The following ARK2N variants were observed in gnomAD, a reference collection of about 807,000 sequenced individuals.
ARK2N encodes arkadia (RNF111) N-terminal like PKA signaling regulator 2N, also known as protein ARK2N.
At chr18:46,260,369 A>C in the ARK2N span, among the ~76,000 whole-genome samples, 1 of 152,206 alleles carries the variant, frequency 6.6e-6, no homozygotes, top group Non-Finnish European at 1.5e-5. Flanking sequence ...TTTTGACCGA[A>C]GATAGTATCA....
the ARK2N span, chr18:46,262,868 T>C: frequency 6.5e-6 from 10 of 1,531,968 alleles, no homozygotes; most frequent in South Asian, 2.3e-5. Flanking sequence ...TGAGGTCATA[T>C]TGTCTTCTGT....
At chr18:46,252,158 A>G in the ARK2N span, among the ~76,000 whole-genome samples, 1 of 150,974 alleles carries the variant, frequency 6.6e-6, no homozygotes, top group Non-Finnish European at 1.5e-5. Flanking sequence ...GTGCCATTGC[A>G]CTCTAGCCTG....
Sources: allele counts gnomAD v4.1 joint callset (sites outside exome capture counted in the v4.1 genomes callset), GRCh38; gene constraint gnomAD v4.1.1; transcripts MANE v1.5; gene names NCBI Gene and HGNC (gene_info 2026-07-23, HGNC 2026-07-21).